The following SMYD4 variants were observed in gnomAD, a reference collection of about 807,000 sequenced individuals.
The protein encoded by SMYD4 is SET and MYND domain containing 4, also known as protein-lysine N-methyltransferase SMYD4.
Under a neutral mutation model 72.8 loss-of-function variants are expected in SMYD4, and 68 were observed. That is an observed-to-expected ratio of 0.93 (90% confidence interval 0.77 to 1.14). The LOEUF (loss-of-function observed/expected upper bound fraction) is 1.14. Among genes scored for constraint, SMYD4 ranks in the 50% most tolerant of loss-of-function variants. The probability of loss-of-function intolerance (pLI) is 0.00; values close to 1 mark genes in which losing one functional copy is unlikely to be tolerated. For missense variants in SMYD4, 984 were observed against 1,003.7 expected (o/e 0.98, Z 0.27); for synonymous variants, 407 against 388.6 (o/e 1.05, Z -0.56).
intron 5 of SMYD4, among the ~76,000 whole-genome samples, chr17:1,790,587 T>G (rs1908965870): frequency 6.6e-6 from 1 of 152,012 alleles, no homozygotes; most frequent in African/African-American, 2.4e-5. Flanking sequence ...CATGATCTCA[T>G]CTCACTGCAA....
At chr17:1,807,794 G>T (rs1043632038) in intron 3 of SMYD4, among the ~76,000 whole-genome samples, 1 of 152,182 alleles carries the variant, frequency 6.6e-6, no homozygotes, top group Admixed American at 6.6e-5. Flanking sequence ...AGGAGTGGAA[G>T]GCTGTATTTA....
At chr17:1,789,822 A>G (rs909553534) in intron 5 of SMYD4, among the ~76,000 whole-genome samples, 1 of 152,068 alleles carries the variant, frequency 6.6e-6, no homozygotes, top group Non-Finnish European at 1.5e-5. Context: ...AATGTTGTCA[A>G]TTTTGTTGTC....
chr17:1,785,628 T>C lies in SMYD4; in HGVS notation c.1885-1167A>G, dbSNP rs959289282. Reference sequence around the variant, plus strand: ...TACAAAGATTAGCTGGGCATGGTGGTGCATGCCTGTAATCCCAGCTACTGG... The same window carrying C: ...TACAAAGATTAGCTGGGCATGGTGGCGCATGCCTGTAATCCCAGCTACTGG... On this transcript the variant is annotated intron_variant, in intron 7 of 10. Coordinates refer to ENST00000305513, the MANE Select transcript of SMYD4 (RefSeq NM_052928.3). Among the ~76,000 whole-genome samples, 6 of 151,370 alleles carry C rather than the reference T, an allele frequency of 4.0e-5. No homozygotes were observed. In the South Asian group the frequency reaches 1.3e-3, roughly 32 times the overall value.
chr17:1,813,206 T>C (rs1452293844), intron 2 of SMYD4, among the ~76,000 whole-genome samples: 1 of 152,178 alleles, frequency 6.6e-6, no homozygotes, highest in Admixed American at 6.5e-5. Context: ...CCCAAAGTGT[T>C]GGGATTACAG....
chr17:1,827,792 T>G, intron 2 of SMYD4, 69 bp downstream of exon 2: 1 of 1,550,092 alleles, frequency 6.5e-7, no homozygotes, highest in South Asian at 1.2e-5. Context: ...GACACATTAC[T>G]TCAGAGCAAA....
chr17:1,810,331 T>C (rs1910264663), intron 3 of SMYD4, among the ~76,000 whole-genome samples: 1 of 151,946 alleles, frequency 6.6e-6, no homozygotes, highest in South Asian at 2.1e-4. Flanking sequence ...CCCAGGGTAG[T>C]GCAGAGACCA....
At position 1,829,758 on chromosome 17, in the gene SMYD4, C is replaced by T. The variant is rs17291724; in HGVS notation, c.-45G>A. On this transcript the variant is annotated 5_prime_UTR_variant, in exon 1 of 11. Coordinates refer to ENST00000305513, the MANE Select transcript of SMYD4 (RefSeq NM_052928.3). ...CTCGCCAGAGACCGAGGCGAGAACG[C>T]CTCGAGAACCGCTCAGACGCGCCCG... The T allele has an allele frequency of 8.3e-5, 17 of 203,988 alleles. No homozygotes were observed. In the East Asian group the frequency reaches 1.5e-3, roughly 18 times the overall value. 12.6% of individuals were successfully genotyped at this position (203,988 alleles called of 1,614,324 possible). A position where few individuals can be genotyped will look rare whatever the true frequency, so the allele number is the denominator to read the frequency against.
intron 8 of SMYD4, 96 bp downstream of exon 8, chr17:1,784,230 T>G: frequency 6.5e-7 from 1 of 1,543,766 alleles, no homozygotes; most frequent in Non-Finnish European, 8.8e-7. Context: ...TTACATCCAA[T>G]TCTCCCATCA....
At chr17:1,817,255 C>T (rs1910654219) in intron 2 of SMYD4, among the ~76,000 whole-genome samples, 1 of 152,138 alleles carries the variant, frequency 6.6e-6, no homozygotes, top group South Asian at 2.1e-4. Flanking sequence ...CCAGGCTGGT[C>T]TCAAACTCCA....
rs776116390 is a variant in SMYD4, at chr17:1,804,731, C to T, written c.280-16G>A. 1.5e-5 allele frequency: 24 copies of T among 1,611,276 alleles called. No individual in the cohort carries two copies. Among genetic ancestry groups the T allele is most frequent in the South Asian group, 8.8e-5 (8 of 91,044 alleles). On this transcript the variant is annotated splice_polypyrimidine_tract_variant and intron_variant, in intron 3 of 10. Coordinates refer to ENST00000305513, the MANE Select transcript of SMYD4 (RefSeq NM_052928.3). ...GTGACACTCCCTGCAAAACAATGAA[C>T]TGGTTAAAAGTATAAATGGACACCA...
intron 2 of SMYD4, among the ~76,000 whole-genome samples, chr17:1,826,061 A>G (rs963703585): frequency 6.6e-6 from 1 of 152,226 alleles, no homozygotes; most frequent in African/African-American, 2.4e-5. Flanking sequence ...AATAATTTAT[A>G]CAACAAATAG....
chr17:1,800,121 C>A lies in SMYD4; in HGVS notation c.1273G>T (p.Val425Phe). 6.2e-7 allele frequency: 1 copy of A among 1,611,096 alleles called. No individual in the cohort carries two copies. Among genetic ancestry groups the A allele is most frequent in the Non-Finnish European group, 8.5e-7 (1 of 1,178,396 alleles). ...NGKYENNYNA[V>F]FNLLPHTENH... ...TCAGTGTGGGGCAAAAGGTTGAAGA[C>A]AGCATTATAATTATTTTCATACTTC... Residue 425 changes from valine (V) to phenylalanine (F), a missense_variant, in exon 5 of 11, where the codon GTC becomes TTC. Val to Phe is a conservative substitution (Grantham distance 50, BLOSUM62 -1). Coordinates refer to ENST00000305513, the MANE Select transcript of SMYD4 (RefSeq NM_052928.3).
rs141730648 is a variant in SMYD4 at position 1,800,770 on chromosome 17, G to A, written c.624C>T (p.Phe208=). 22 of 1,614,088 alleles carry A rather than the reference G, an allele frequency of 1.4e-5. No homozygotes were observed. The highest frequency in any genetic ancestry group is 1.9e-5 in the Non-Finnish European group (22 of 1,180,046). Residue 208 remains phenylalanine, a synonymous_variant, in exon 5 of 11, where the codon TTC becomes TTT. Transcript: ENST00000305513. The part of the protein sequence containing the change: ...MQEKDSLTES[F]PAALAKTLED... Reference sequence around the variant, plus strand: ...CAAGGGTTTTGGCCAGAGCTGCTGGGAAGCTTTCTGTGAGACTGTCCTTTT... The same window carrying A: ...CAAGGGTTTTGGCCAGAGCTGCTGGAAAGCTTTCTGTGAGACTGTCCTTTT...
At chr17:1,797,605 G>C (rs1755047512) in intron 5 of SMYD4, among the ~76,000 whole-genome samples, 1 of 152,248 alleles carries the variant, frequency 6.6e-6, no homozygotes, top group Non-Finnish European at 1.5e-5. Context: ...GGCAGCTTCT[G>C]CTGCAGTGTG....
chr17:1,815,205 A>C (rs375408743), intron 2 of SMYD4, among the ~76,000 whole-genome samples: 9 of 152,058 alleles, frequency 5.9e-5, no homozygotes, highest in South Asian at 4.2e-4. Context: ...CTGGGATTAC[A>C]GGTGCCCGCC....
At chr17:1,798,525 G>C (rs897565814) in intron 5 of SMYD4, among the ~76,000 whole-genome samples, 1 of 152,130 alleles carries the variant, frequency 6.6e-6, no homozygotes, top group Non-Finnish European at 1.5e-5. Context: ...CACTTGGGGA[G>C]GCTGAGGCGG....
In SMYD4 at chr17:1,786,945, G is replaced by C; in HGVS notation, c.1749C>G (p.Ala583=). 6.2e-7 allele frequency: 1 copy of C among 1,613,970 alleles called. No individual in the cohort carries two copies. The highest frequency in any genetic ancestry group is 8.5e-7 in the Non-Finnish European group (1 of 1,180,022). Residue 583 remains alanine (A), a synonymous_variant, in exon 7 of 11, where the codon GCC becomes GCG. Transcript: ENST00000305513. ...YGPHKSRMGV[A]ERQQKLRSQY... ...GAGACCTCAGCTTCTGCTGCCTTTC[G>C]GCAACCCCCATCCGGCTCTTGTGAG... is the stretch of plus-strand genomic sequence containing the variant.
At chr17:1,785,091 T>G (rs1360296575) in intron 7 of SMYD4, among the ~76,000 whole-genome samples, 1 of 148,254 alleles carries the variant, frequency 6.7e-6, no homozygotes, top group Non-Finnish European at 1.5e-5. Context: ...CCGGCCTTGA[T>G]GACAAACATT....
At chr17:1,829,187 C>G (rs1911381718) in intron 1 of SMYD4, among the ~76,000 whole-genome samples, 1 of 152,178 alleles carries the variant, frequency 6.6e-6, no homozygotes, top group African/African-American at 2.4e-5. Context: ...CAAAACCATC[C>G]TTACTTGACC....
Sources: gnomAD v4.1 joint callset for allele counts (sites outside exome capture counted in the v4.1 genomes callset) on GRCh38, gnomAD v4.1.1 for gene constraint, MANE v1.5 for transcripts, NCBI Gene and HGNC (gene_info 2026-07-23, HGNC 2026-07-21) for gene names.